The following ACAD10 variants were observed in gnomAD, a reference collection of about 807,000 sequenced individuals.
The protein encoded by ACAD10 is ACAD-10.
A neutral mutation model predicts 116.8 loss-of-function variants in ACAD10; 112 were observed. That is an observed-to-expected ratio of 0.96 (90% CI 0.82 to 1.12). The LOEUF (loss-of-function observed/expected upper bound fraction) is 1.12, where lower values mean the gene tolerates loss of function less well. Among genes scored for constraint, ACAD10 ranks in the 50% most tolerant of loss-of-function variants. ACAD10 has a pLI of 0.00. For missense variants in ACAD10, 1,259 were observed against 1,350.2 expected, an observed-to-expected ratio of 0.93 and a Z score of 1.06; for synonymous variants, 486 against 510.6, an observed-to-expected ratio of 0.95 and a Z score of 0.65.
intron 11 of ACAD10, among the ~76,000 whole-genome samples, chr12:111,734,343 T>C (rs1199228570): frequency 6.6e-6 from 1 of 152,242 alleles, no homozygotes; most frequent in Non-Finnish European, 1.5e-5. Flanking sequence ...ACACATTCAT[T>C]GTGGCTGGGT....
chr12:111,691,589 A>G (rs959006798), intron 1 of ACAD10, among the ~76,000 whole-genome samples: 2 of 150,692 alleles, frequency 1.3e-5, no homozygotes, highest in African/African-American at 2.5e-5. Context: ...GCAGAAAGGA[A>G]TGAGATTTTT....
Position 111,709,515 on chromosome 12 carries a change from C to G in ACAD10, c.532-11C>G, listed in dbSNP as rs1330125920. The G allele has an allele frequency of 6.5e-7, 1 of 1,546,654 alleles. No individual in the cohort carries two copies. The highest frequency in any genetic ancestry group is 1.4e-5 in the African/African-American group (1 of 71,740). The stretch of plus-strand genomic sequence containing the variant: ...CGGGACATTCATCTCTCATTCCTGT[C>G]CCTCCATCAGATTGTGGAGTCCTGC... On this transcript the variant is annotated splice_polypyrimidine_tract_variant and intron_variant, in intron 4 of 20. Coordinates refer to ENST00000313698, the MANE Select transcript of ACAD10 (RefSeq NM_025247.6).
intron 2 of ACAD10, among the ~76,000 whole-genome samples, chr12:111,699,703 G>A (rs768872102): frequency 6.6e-6 from 1 of 152,118 alleles, no homozygotes; most frequent in African/African-American, 2.4e-5. Context: ...GAGACTGTTT[G>A]AGGCCAGGAG....
chr12:111,738,598 G>A lies in ACAD10; in HGVS notation c.1714+1594G>A, dbSNP rs192805545. On this transcript the variant is annotated intron_variant, in intron 12 of 20. Coordinates refer to ENST00000313698, the MANE Select transcript of ACAD10 (RefSeq NM_025247.6). Reference sequence around the variant, plus strand: ...TCCATGAGTAGTAGCCGGGCATGGTGGCTCAGGCCTGTAATCCCAGCACTT... The same window carrying A: ...TCCATGAGTAGTAGCCGGGCATGGTAGCTCAGGCCTGTAATCCCAGCACTT... 2.8e-3 allele frequency among the ~76,000 whole-genome samples: 429 copies of A among 152,294 alleles called. 14 individuals carry two copies. Among genetic ancestry groups the A allele is most frequent in the Admixed American group, 0.024 (374 of 15,280 alleles).
At chr12:111,738,281 A>G (rs1278332647) in intron 12 of ACAD10, among the ~76,000 whole-genome samples, 1 of 152,064 alleles carries the variant, frequency 6.6e-6, no homozygotes, top group East Asian at 1.9e-4. Context: ...CTGTGTCTCT[A>G]CTAAAAATAC....
At chr12:111,721,587 CAAACAAA>C in intron 7 of ACAD10, 77 bp from the exon 8 acceptor site, 1 of 1,332,244 alleles carries the variant, frequency 7.5e-7, no homozygotes, top group East Asian at 2.4e-5. Context: ...AACAAACAAA[CAAACAAA>C]AAACAAAGAA....
intron 10 of ACAD10, among the ~76,000 whole-genome samples, chr12:111,732,738 T>G (rs1889425104): frequency 6.6e-6 from 1 of 152,128 alleles, no homozygotes; most frequent in Non-Finnish European, 1.5e-5. Flanking sequence ...ATAGCGTGGT[T>G]TAGAGGAACC....
intron 8 of ACAD10, among the ~76,000 whole-genome samples, chr12:111,722,734 G>T (rs1889053160): frequency 6.6e-6 from 1 of 152,226 alleles, no homozygotes; most frequent in Non-Finnish European, 1.5e-5. Context: ...TCCCAAGGCA[G>T]AAGAAGTTTT....
intron 16 of ACAD10, 80 bp from the exon 17 acceptor site, chr12:111,748,237 C>A: frequency 6.4e-7 from 1 of 1,562,928 alleles, no homozygotes; most frequent in African/African-American, 1.4e-5. Context: ...CTGTGCCTTT[C>A]TTGGGCCAGG....
At chr12:111,708,037 C>G (rs1888562984) in intron 4 of ACAD10, among the ~76,000 whole-genome samples, 1 of 152,202 alleles carries the variant, frequency 6.6e-6, no homozygotes, top group Non-Finnish European at 1.5e-5. Flanking sequence ...CTCTGTCATG[C>G]TTACCTTGAG....
At chr12:111,746,387 T>TG in intron 14 of ACAD10, 103 bp downstream of exon 14, 1 of 1,336,840 alleles carries the variant, frequency 7.5e-7, no homozygotes, top group Non-Finnish European at 9.8e-7. Flanking sequence ...GGCATGAACT[T>TG]GAACTTTTTT....
intron 7 of ACAD10, among the ~76,000 whole-genome samples, chr12:111,720,683 T>C (rs974360976): frequency 1.3e-5 from 2 of 152,220 alleles, no homozygotes; most frequent in African/African-American, 2.4e-5. Context: ...TGTTTATATA[T>C]TCAGCGCATA....
intron 11 of ACAD10, among the ~76,000 whole-genome samples, 177 bp downstream of exon 11, chr12:111,734,245 A>G (rs749565349): frequency 1.3e-5 from 2 of 152,220 alleles, no homozygotes; most frequent in South Asian, 4.1e-4. Context: ...AAGTGGATAT[A>G]GGATGTGTTT....
chr12:111,709,516 C>G lies in ACAD10; in HGVS notation c.532-10C>G, dbSNP rs750688401. ...GGGACATTCATCTCTCATTCCTGTC[C>G]CTCCATCAGATTGTGGAGTCCTGCA... On this transcript the variant is annotated splice_polypyrimidine_tract_variant and intron_variant, in intron 4 of 20. Coordinates refer to ENST00000313698, the MANE Select transcript of ACAD10 (RefSeq NM_025247.6). 2.6e-6 allele frequency: 4 copies of G among 1,547,862 alleles called. No individual in the cohort carries two copies. The African/African-American group carries it at 5.6e-5, about 22-fold the overall frequency.
intron 19 of ACAD10, among the ~76,000 whole-genome samples, chr12:111,754,734 G>T (rs1177769329): frequency 6.6e-6 from 1 of 152,230 alleles, no homozygotes; most frequent in Non-Finnish European, 1.5e-5. Flanking sequence ...CTGTAGCTCG[G>T]TTTCCCAGAG....
rs5800932 is a variant in ACAD10, at chr12:111,697,080, C to CA, written c.187+4199dup. Among the ~76,000 whole-genome samples, 283 of 123,748 alleles carry CA rather than the reference C, an allele frequency of 2.3e-3. 1 individual carries two copies. Among genetic ancestry groups the CA allele is most frequent in the Non-Finnish European group, 2.8e-3 (162 of 57,346 alleles). 81.2% of individuals were successfully genotyped at this position (123,748 alleles called of 152,430 possible). ...TGGGCGATACAGCGAGACTCCGTCT[C>CA]AAAAAAAAAAAAAAATTGGGCATGG... On this transcript the variant is annotated intron_variant, in intron 2 of 20. Transcript: ENST00000313698.
chr12:111,746,073 A>G lies in ACAD10; in HGVS notation c.2116-71A>G, dbSNP rs999163591. On this transcript the variant is annotated intron_variant, in intron 13 of 20. Coordinates refer to ENST00000313698, the MANE Select transcript of ACAD10 (RefSeq NM_025247.6). ...TGCCTTGTTTCCTCCAATCCCTTTCATTGTTTTCCACGGTTCAAAATAAAA... is the reference window on the plus strand; with the variant it reads ...TGCCTTGTTTCCTCCAATCCCTTTCGTTGTTTTCCACGGTTCAAAATAAAA... 7 of 1,562,062 alleles carry G rather than the reference A, an allele frequency of 4.5e-6. No homozygotes were observed. In the African/African-American group the frequency reaches 9.7e-5, roughly 22 times the overall value.
Position 111,702,289 on chromosome 12 carries a change from T to G in ACAD10, c.315T>G (p.Phe105Leu). The change falls in exon 3 of 21, where the codon TTT (phenylalanine) becomes TTG (leucine). Residue 105 changes from phenylalanine to leucine, a missense_variant. Physicochemically the swap from Phe to Leu is conservative, Grantham distance 22. Transcript: ENST00000313698. ...EITAEGFLRE[F>L]GRLCSEMLKT... Reference sequence around the variant, plus strand: ...CAGCAGAGGGTTTTTTACGAGAATTTGGGAGACTTTGCTCTGAAATGGTGA... The same window carrying G: ...CAGCAGAGGGTTTTTTACGAGAATTGGGGAGACTTTGCTCTGAAATGGTGA... 1.2e-6 allele frequency: 2 copies of G among 1,614,188 alleles called. No homozygotes were observed. The highest frequency in any genetic ancestry group is 1.7e-6 in the Non-Finnish European group (2 of 1,180,030).
At chr12:111,753,686 C>G in intron 18 of ACAD10, 86 bp from the exon 19 acceptor site, 2 of 1,588,202 alleles carry the variant, frequency 1.3e-6, no homozygotes, top group Non-Finnish European at 1.7e-6. Context: ...TCTGCTTCCA[C>G]CCAGCTCTGC....
Sources: gnomAD v4.1 joint callset for allele counts (sites outside exome capture counted in the v4.1 genomes callset) on GRCh38, gnomAD v4.1.1 for gene constraint, MANE v1.5 for transcripts, NCBI Gene and HGNC (gene_info 2026-07-23, HGNC 2026-07-21) for gene names.